The following RANBP3L variants were observed in gnomAD, a reference collection of about 807,000 sequenced individuals.
The protein encoded by RANBP3L is ran-binding protein 3-like.
In RANBP3L, 56 loss-of-function variants were observed where a neutral mutation model predicts 67.2. That is an observed-to-expected ratio of 0.83 (90% confidence interval 0.67 to 1.04). The LOEUF (loss-of-function observed/expected upper bound fraction) is 1.04, where lower values mean the gene tolerates loss of function less well. RANBP3L is among the 50% of genes least tolerant of loss of function. The pLI is 0.00. For synonymous variants in RANBP3L, 164 were observed against 181.4 expected (o/e 0.90, Z 0.77); for missense variants, 496 against 535.5 (o/e 0.93, Z 0.73).
In RANBP3L at chr5:36,269,027, T is replaced by C. The variant is rs547956330; in HGVS notation, c.268+363A>G. On this transcript the variant is annotated intron_variant, in intron 4 of 13. Coordinates refer to ENST00000296604, the MANE Select transcript of RANBP3L (RefSeq NM_145000.5). ...GCCCAGCCTGTGGTTACTTTAAAAA[T>C]GGCCTTTTCTCCTGCTTACAAAGCT... Among the ~76,000 whole-genome samples, 4 of 152,048 alleles carry C rather than the reference T, an allele frequency of 2.6e-5. No homozygotes were observed. In the South Asian group the frequency reaches 8.3e-4, roughly 31 times the overall value.
intron 9 of RANBP3L, 111 bp from the exon 10 acceptor site, chr5:36,257,182 T>G: frequency 1.1e-6 from 1 of 902,898 alleles, no homozygotes; most frequent in East Asian, 2.7e-5. Flanking sequence ...TAGTAGTAAG[T>G]GATTCTAAAA....
intron 8 of RANBP3L, among the ~76,000 whole-genome samples, chr5:36,259,404 A>G (rs374290948): frequency 1.3e-5 from 2 of 152,224 alleles, no homozygotes; most frequent in East Asian, 3.9e-4. Context: ...CAACATGGTG[A>G]AACCCCGTCT....
intron 1 of RANBP3L, among the ~76,000 whole-genome samples, chr5:36,291,229 A>C (rs972052661): frequency 9.2e-5 from 14 of 152,078 alleles, no homozygotes; most frequent in African/African-American, 3.1e-4. Context: ...TTTCTGCCCC[A>C]AAACCCTAGA....
At chr5:36,292,359 A>C (rs1751855096) in intron 1 of RANBP3L, among the ~76,000 whole-genome samples, 1 of 151,366 alleles carries the variant, frequency 6.6e-6, no homozygotes, top group African/African-American at 2.4e-5. Context: ...TTGCCTGTTC[A>C]CTCTGATGGT....
In RANBP3L at chr5:36,253,033, C is replaced by T. The variant is rs965910877; in HGVS notation, c.1167+614G>A. Among the ~76,000 whole-genome samples the T allele has an allele frequency of 5.9e-5, 9 of 151,808 alleles. No individual in the cohort carries two copies. The South Asian group carries it at 1.2e-3, about 21-fold the overall frequency. On this transcript the variant is annotated intron_variant, in intron 12 of 13. Coordinates refer to ENST00000296604, the MANE Select transcript of RANBP3L (RefSeq NM_145000.5). ...AGGGGAGGTTGTGGTTTTGTTTTTG[C>T]GTTTCATTTTGTTTTGTTTTTTTAA... is the stretch of plus-strand genomic sequence containing the variant.
intron 1 of RANBP3L, among the ~76,000 whole-genome samples, chr5:36,275,672 G>T (rs1750519515): frequency 6.6e-6 from 1 of 152,114 alleles, no homozygotes; most frequent in African/African-American, 2.4e-5. Flanking sequence ...AGAAATAATA[G>T]CAACAAAATT....
intron 3 of RANBP3L, 28 bp from the exon 4 acceptor site, chr5:36,269,495 A>T: frequency 7.8e-7 from 1 of 1,278,122 alleles, no homozygotes. Context: ...GAAAGGCTAA[A>T]ATTACTTGTG....
intron 1 of RANBP3L, among the ~76,000 whole-genome samples, chr5:36,281,659 C>G (rs1190636925): frequency 6.6e-5 from 10 of 152,146 alleles, no homozygotes; most frequent in African/African-American, 2.4e-4. Flanking sequence ...TTCAGTTTTG[C>G]CGTCTATAAA....
Position 36,248,950 on chromosome 5 carries a change from G to A in RANBP3L, c.*704C>T, listed in dbSNP as rs1412564886. The stretch of plus-strand genomic sequence containing the variant: ...ATGAAAATATAATTACATAAATAAA[G>A]TAGAACAGTTAACATATTTGGCTTT... On this transcript the variant is annotated 3_prime_UTR_variant, in exon 14 of 14. Transcript: ENST00000296604. 1 of 152,030 alleles carries A rather than the reference G, an allele frequency of 6.6e-6. No homozygotes were observed. Among genetic ancestry groups the A allele is most frequent in the Non-Finnish European group, 1.5e-5 (1 of 67,968 alleles). The allele number at this position is 152,030 out of a possible 1,614,324, so 9.4% of individuals were successfully genotyped here.
chr5:36,290,679 A>G (rs1042621248), intron 1 of RANBP3L, among the ~76,000 whole-genome samples: 1 of 149,650 alleles, frequency 6.7e-6, no homozygotes, highest in African/African-American at 2.5e-5. Flanking sequence ...GTGTGTGTTA[A>G]GTCCAACTTC....
At chr5:36,255,703 G>GGTAAATC in intron 10 of RANBP3L, 113 bp from the exon 11 acceptor site, 1 of 599,052 alleles carries the variant, frequency 1.7e-6, no homozygotes. Flanking sequence ...AATAATCTTT[G>GGTAAATC]TTAATGATTT....
In RANBP3L at chr5:36,253,720, CTT is replaced by C; in HGVS notation, c.1092_1093del (p.Arg365SerfsTer12). ...TATTCGTACATTTTTGTGGTTTGCT[CTT>C]TGAATCTTCATTTGGGCCCAGAGTT... is the stretch of plus-strand genomic sequence containing the variant. On this transcript the variant is annotated frameshift_variant, in exon 12 of 14. Coordinates refer to ENST00000296604, the MANE Select transcript of RANBP3L (RefSeq NM_145000.5). LOFTEE classifies it high-confidence loss of function. The C allele has an allele frequency of 6.2e-7, 1 of 1,612,872 alleles. No individual in the cohort carries two copies. Among genetic ancestry groups the C allele is most frequent in the Non-Finnish European group, 8.5e-7 (1 of 1,179,068 alleles).
intron 10 of RANBP3L, among the ~76,000 whole-genome samples, chr5:36,255,910 A>T (rs1748944784): frequency 1.3e-5 from 2 of 152,124 alleles, no homozygotes; most frequent in African/African-American, 4.8e-5. Context: ...TTGTACATAC[A>T]TACATGCCAA....
At chr5:36,262,215 A>C (rs2362978) in intron 6 of RANBP3L, among the ~76,000 whole-genome samples, 173 bp from the exon 7 acceptor site, 135,521 of 152,212 alleles carry the variant, frequency 0.89, 61,379 homozygotes, top group Non-Finnish European at 0.98. Context: ...ACACTTTGTA[A>C]TTCTATTGTC....
In RANBP3L at chr5:36,254,760, A is replaced by G. The variant is rs1748850013; in HGVS notation, c.1024+710T>C. ...TCTCCTCCAAAGTCCTGACCTCTCAAAATTGACCAATAAATCCATTCATCC... is the reference window on the plus strand; with the variant it reads ...TCTCCTCCAAAGTCCTGACCTCTCAGAATTGACCAATAAATCCATTCATCC... On this transcript the variant is annotated intron_variant, in intron 11 of 13. Transcript: ENST00000296604. 2.0e-5 allele frequency among the ~76,000 whole-genome samples: 3 copies of G among 152,054 alleles called. No individual in the cohort carries two copies. The South Asian group carries it at 6.2e-4, about 31-fold the overall frequency.
chr5:36,269,788 G>A (rs1353816342), intron 3 of RANBP3L, among the ~76,000 whole-genome samples, 163 bp downstream of exon 3: 1 of 152,088 alleles, frequency 6.6e-6, no homozygotes, highest in Non-Finnish European at 1.5e-5. Context: ...TGTTCTCAGG[G>A]ACCTATATGT....
intron 1 of RANBP3L, among the ~76,000 whole-genome samples, chr5:36,279,337 G>T (rs1054365801): frequency 6.6e-5 from 10 of 151,986 alleles, no homozygotes; most frequent in African/African-American, 4.8e-5. Flanking sequence ...CATATGTGGG[G>T]GAACTCTAAA....
intron 1 of RANBP3L, among the ~76,000 whole-genome samples, chr5:36,299,333 ATATG>A (rs144898919): frequency 4.7e-4 from 61 of 130,780 alleles, no homozygotes; most frequent in Admixed American, 1.2e-3. Context: ...ACACATACAT[ATATG>A]TGTGTGTGTG....
rs191673749 is a variant in RANBP3L, at chr5:36,263,723, T to C, written c.480+1236A>G. On this transcript the variant is annotated intron_variant, in intron 6 of 13. Transcript: ENST00000296604. ...TGTATTTTTTGTAAAGACAGTGTTT[T>C]ACTATATTGCCTAGGCTTGTCTGGA... 2.2e-4 allele frequency among the ~76,000 whole-genome samples: 34 copies of C among 152,306 alleles called. 1 individual carries two copies. The highest frequency in any genetic ancestry group is 7.5e-4 in the African/African-American group (31 of 41,564).
Sources: allele counts gnomAD v4.1 joint callset (sites outside exome capture counted in the v4.1 genomes callset), GRCh38; gene constraint gnomAD v4.1.1; transcripts MANE v1.5; gene names NCBI Gene and HGNC (gene_info 2026-07-23, HGNC 2026-07-21).